Variants in UAP1 observed in about 807,000 individuals in gnomAD.
UAP1 encodes UDP-N-acetylglucosamine pyrophosphorylase 1.
UAP1 carries 25 observed loss-of-function variants against 58.5 expected under a neutral mutation model. The ratio of observed to expected loss-of-function variants is 0.43; its 90% CI spans 0.31 to 0.60. The LOEUF (loss-of-function observed/expected upper bound fraction) is 0.60, where lower values mean the gene tolerates loss of function less well. Among genes scored for constraint, UAP1 ranks in the 20% least tolerant of loss-of-function variants. The probability of loss-of-function intolerance (pLI) is 0.11; values close to 1 mark genes in which losing one functional copy is unlikely to be tolerated. For synonymous variants in UAP1, 208 were observed against 213.0 expected (o/e 0.98, Z 0.21); for missense variants, 575 against 630.0 (o/e 0.91, Z 0.93).
chr1:162,577,435 C>CTTTTTTTT lies in UAP1; in HGVS notation c.485+478_485+485dup, dbSNP rs67627704. ...ACCTTGGTCAGTGTTAGTTCCTTCC[C>CTTTTTTTT]TTTTTTTTTTTTTTTTTTTTTTTTT... is the stretch of plus-strand genomic sequence containing the variant. On this transcript the variant is annotated intron_variant, in intron 3 of 10. Coordinates refer to ENST00000271469, the Ensembl canonical transcript of UAP1. Among the ~76,000 whole-genome samples the CTTTTTTTT allele has an allele frequency of 6.4e-4, 61 of 95,236 alleles. 3 individuals are homozygous for CTTTTTTTT. Among genetic ancestry groups the CTTTTTTTT allele is most frequent in the African/African-American group, 2.8e-3 (59 of 21,006 alleles). The allele number at this position is 95,236 out of a possible 152,430, so 62.5% of individuals were successfully genotyped here. A position where few individuals can be genotyped will look rare whatever the true frequency, so the allele number is the denominator to read the frequency against.
chr1:162,579,738 A>G, intron 4 of UAP1, 135 bp downstream of exon 4: 1 of 791,686 alleles, frequency 1.3e-6, no homozygotes, highest in African/African-American at 1.8e-5. Context: ...CTTGGAAATG[A>G]TTTAAAAAGA....
intron 9 of UAP1, chr1:162,593,118 C>T (rs56270353): frequency 0.016 from 5,047 of 311,546 alleles, 192 homozygotes; most frequent in African/African-American, 0.091. Flanking sequence ...TAAGCTTATA[C>T]GGGGTTAAAA....
chr1:162,577,689 G>A (rs1025034727), intron 3 of UAP1, among the ~76,000 whole-genome samples: 3 of 151,514 alleles, frequency 2.0e-5, no homozygotes, highest in African/African-American at 7.3e-5. Flanking sequence ...TCGGCCCACT[G>A]CAACCCCTGC....
At chr1:162,577,905 C>T (rs947110440) in intron 3 of UAP1, among the ~76,000 whole-genome samples, 3 of 151,828 alleles carry the variant, frequency 2.0e-5, no homozygotes, top group Admixed American at 6.6e-5. Flanking sequence ...CCACCGCACC[C>T]GGCTATTTTT....
intron 9 of UAP1, 93 bp downstream of exon 9, chr1:162,592,875 G>C: frequency 8.6e-7 from 1 of 1,165,154 alleles, no homozygotes; most frequent in South Asian, 1.4e-5. Context: ...TGCCTTTTGG[G>C]GGTCTGGAGG....
chr1:162,565,726 A>G (rs1258038182), intron 1 of UAP1, among the ~76,000 whole-genome samples: 4 of 152,176 alleles, frequency 2.6e-5, no homozygotes, highest in Non-Finnish European at 4.4e-5. Flanking sequence ...TGGTTAGGTT[A>G]CTTAGCCTCT....
At chr1:162,599,130 C>T in intron 10 of UAP1, 141 bp from the exon 11 acceptor site, 2 of 518,506 alleles carry the variant, frequency 3.9e-6, no homozygotes, top group Admixed American at 3.6e-5. Flanking sequence ...TCTAAAATGT[C>T]TATTAAATAG....
chr1:162,579,640 G>T, intron 4 of UAP1, 37 bp downstream of exon 4: 1 of 1,418,808 alleles, frequency 7.0e-7, no homozygotes, highest in Non-Finnish European at 9.4e-7. Flanking sequence ...GACTAGAAAG[G>T]ATAACAACAT....
intron 7 of UAP1, 102 bp downstream of exon 7, chr1:162,588,935 A>ATTGCCAACCATTTCTTCACTG: frequency 8.9e-7 from 1 of 1,127,304 alleles, no homozygotes. Flanking sequence ...TTGATAGCAC[A>ATTGCCAACCATTTCTTCACTG]TATCTCACAT....
chr1:162,572,816 T>A (rs1403224038), intron 2 of UAP1, among the ~76,000 whole-genome samples: 2 of 152,178 alleles, frequency 1.3e-5, no homozygotes, highest in African/African-American at 4.8e-5. Context: ...CTTAATGTGA[T>A]TATAGGGTGC....
intron 4 of UAP1, among the ~76,000 whole-genome samples, chr1:162,580,384 A>G (rs1654509457): frequency 6.6e-6 from 1 of 152,252 alleles, no homozygotes; most frequent in South Asian, 2.1e-4. Flanking sequence ...AACTGCATAC[A>G]GTCTATGATT....
intron 5 of UAP1, among the ~76,000 whole-genome samples, chr1:162,581,872 A>G (rs1184029545): frequency 1.3e-5 from 2 of 152,198 alleles, no homozygotes; most frequent in Non-Finnish European, 2.9e-5. Context: ...GTATCTTACG[A>G]TGTTCTTTCG....
chr1:162,587,763 C>T (rs932330585), intron 6 of UAP1, 95 bp downstream of exon 6: 3 of 1,186,064 alleles, frequency 2.5e-6, no homozygotes, highest in African/African-American at 3.1e-5. Context: ...GTCCATATCC[C>T]ACAGAATTCA....
rs1185593912 is a variant in UAP1 at position 162,579,615 on chromosome 1, TCCTTATTTAATGGTGA to T, written c.661+14_661+29del. 6.5e-7 allele frequency: 1 copy of T among 1,530,074 alleles called. No individual in the cohort carries two copies. The highest frequency in any genetic ancestry group is 8.8e-7 in the Non-Finnish European group (1 of 1,137,780). The allele number at this position is 1,530,074 out of a possible 1,614,324, so 94.8% of individuals were successfully genotyped here. ...TTCTATGGCTCCAGGTTTGTAATCA[TCCTTATTTAATGGTGA>T]CTAGAAAGGATAACAACATAAATCA... is the stretch of plus-strand genomic sequence containing the variant. On this transcript the variant is annotated intron_variant, in intron 4 of 10. Transcript: ENST00000271469.
At chr1:162,565,817 A>T (rs1653454162) in intron 1 of UAP1, among the ~76,000 whole-genome samples, 195 bp from the exon 2 acceptor site, 4 of 152,242 alleles carry the variant, frequency 2.6e-5, no homozygotes, top group Admixed American at 2.6e-4. Context: ...CAAGACCATG[A>T]AGGTAAAGTA....
intron 2 of UAP1, among the ~76,000 whole-genome samples, chr1:162,572,337 A>T (rs1321148436): frequency 6.6e-6 from 1 of 152,262 alleles, no homozygotes; most frequent in Non-Finnish European, 1.5e-5. Context: ...TAGGGAACCC[A>T]TCTAAGGAAG....
chr1:162,590,298 A>T (rs377708858), intron 7 of UAP1, 25 bp from the exon 8 acceptor site: 2 of 1,583,256 alleles, frequency 1.3e-6, no homozygotes, highest in Non-Finnish European at 1.7e-6. Flanking sequence ...CATAATAAAG[A>T]GGTCTTTATA....
chr1:162,562,436 T>C (rs1653209184), intron 1 of UAP1: 1 of 151,724 alleles, frequency 6.6e-6, no homozygotes, highest in Non-Finnish European at 1.5e-5. Context: ...TGAGAGAGAA[T>C]TGAAATTTCT....
At chr1:162,573,114 T>C (rs926849297) in intron 2 of UAP1, among the ~76,000 whole-genome samples, 2 of 152,214 alleles carry the variant, frequency 1.3e-5, no homozygotes, top group Non-Finnish European at 2.9e-5. Context: ...AATTTCTTCA[T>C]CTCAGTTTTT....
Sources: gnomAD v4.1 joint callset for allele counts (sites outside exome capture counted in the v4.1 genomes callset) on GRCh38, gnomAD v4.1.1 for gene constraint, MANE v1.5 for transcripts, NCBI Gene and HGNC (gene_info 2026-07-23, HGNC 2026-07-21) for gene names.